Variants in LRMDA observed in about 807,000 individuals in gnomAD.
The protein encoded by LRMDA is leucine rich melanocyte differentiation associated, also known as leucine-rich melanocyte differentiation-associated protein.
LRMDA carries 18 observed loss-of-function variants against 29.8 expected under a neutral mutation model. The observed-to-expected ratio is 0.60, with a 90% CI of 0.42 to 0.90. LRMDA has a LOEUF of 0.90. Ranked by LOEUF, LRMDA falls within the 40% of genes least tolerant of loss-of-function variation. The pLI is 0.00. For synonymous variants in LRMDA, 125 were observed against 109.4 expected (o/e 1.14, Z -0.89); for missense variants, 273 against 273.9 (o/e 1.00, Z 0.02).
At chr10:76,437,407 C>G (rs951189853) in intron 6 of LRMDA, 1 of 152,234 alleles carries the variant, frequency 6.6e-6, no homozygotes, top group Non-Finnish European at 1.5e-5. Flanking sequence ...AAGAGCACAG[C>G]TTCTTCCAAC....
chr10:75,593,482 A>G (rs1840747609), intron 2 of LRMDA, among the ~76,000 whole-genome samples: 1 of 152,234 alleles, frequency 6.6e-6, no homozygotes, highest in Admixed American at 6.5e-5. Flanking sequence ...TTATTCAGCA[A>G]TGCAATAACA....
At position 76,428,028 on chromosome 10, in the gene LRMDA, G is replaced by A. The variant is rs371410968; in HGVS notation, c.601+103543G>A. On this transcript the variant is annotated intron_variant, in intron 6 of 6. Transcript: ENST00000611255. Reference sequence around the variant, plus strand: ...TGCCAGTATTTTATTGAGGATTTTTGCATCAATGTTCATCAGGGATATTGG... The same window carrying A: ...TGCCAGTATTTTATTGAGGATTTTTACATCAATGTTCATCAGGGATATTGG... Among the ~76,000 whole-genome samples the A allele has an allele frequency of 6.6e-5, 10 of 152,164 alleles. No homozygotes were observed. In the East Asian group the frequency reaches 1.2e-3, roughly 18 times the overall value.
intron 5 of LRMDA, among the ~76,000 whole-genome samples, chr10:76,231,681 A>G (rs998959451): frequency 6.6e-6 from 1 of 152,216 alleles, no homozygotes; most frequent in African/African-American, 2.4e-5. Context: ...AAAGTAATAA[A>G]AACCATCTTT....
chr10:75,768,704 G>A (rs1321456361), intron 2 of LRMDA, among the ~76,000 whole-genome samples: 1 of 152,076 alleles, frequency 6.6e-6, no homozygotes, highest in Non-Finnish European at 1.5e-5. Flanking sequence ...TTACATCATG[G>A]CAGAGTACTT....
At chr10:76,297,101 C>T (rs1010952017) in intron 5 of LRMDA, among the ~76,000 whole-genome samples, 27 of 152,172 alleles carry the variant, frequency 1.8e-4, no homozygotes, top group Admixed American at 7.9e-4. Context: ...TTAAATGATC[C>T]GCAGATACCT....
At chr10:75,793,036 G>A (rs1843595477) in intron 2 of LRMDA, among the ~76,000 whole-genome samples, 1 of 152,178 alleles carries the variant, frequency 6.6e-6, no homozygotes. Flanking sequence ...ACTGTCCTGA[G>A]TCTTAAAGGG....
chr10:76,558,739 A>C lies in LRMDA; in HGVS notation c.*1451A>C, dbSNP rs1245518413. 1 of 152,128 alleles carries C rather than the reference A, an allele frequency of 6.6e-6. No individual in the cohort carries two copies. Among genetic ancestry groups the C allele is most frequent in the Non-Finnish European group, 1.5e-5 (1 of 68,030 alleles). The allele number at this position is 152,128 out of a possible 1,614,324, so 9.4% of individuals were successfully genotyped here. On this transcript the variant is annotated 3_prime_UTR_variant, in exon 7 of 7. Coordinates refer to ENST00000611255, the MANE Select transcript of LRMDA (RefSeq NM_001305581.2). Reference sequence around the variant, plus strand: ...AGAATCCCTAAGCTGCCCAAGGAGAACCTACTTTCTCAGCTCTAGCCCGTT... The same window carrying C: ...AGAATCCCTAAGCTGCCCAAGGAGACCCTACTTTCTCAGCTCTAGCCCGTT...
intron 2 of LRMDA, among the ~76,000 whole-genome samples, chr10:75,444,781 A>C (rs1844371097): frequency 6.6e-6 from 1 of 152,222 alleles, no homozygotes; most frequent in Non-Finnish European, 1.5e-5. Flanking sequence ...CTCTGAAGTC[A>C]CTGATAATCT....
chr10:75,835,400 G>A (rs1338528679), intron 2 of LRMDA, among the ~76,000 whole-genome samples: 1 of 152,050 alleles, frequency 6.6e-6, no homozygotes, highest in African/African-American at 2.4e-5. Context: ...GATGACATTG[G>A]GTCCACCCAG....
chr10:75,561,663 C>T (rs1840297061), intron 2 of LRMDA, among the ~76,000 whole-genome samples: 1 of 151,062 alleles, frequency 6.6e-6, no homozygotes, highest in African/African-American at 2.4e-5. Flanking sequence ...CTCTTGTGGG[C>T]ATTTAGTGCT....
chr10:76,207,414 G>A (rs907502181), intron 5 of LRMDA, among the ~76,000 whole-genome samples: 1 of 152,218 alleles, frequency 6.6e-6, no homozygotes, highest in African/African-American at 2.4e-5. Flanking sequence ...TGGGAAGGGG[G>A]CTGGGAGTGT....
chr10:76,240,809 TATATATGTATATATATACACATAC>T (rs1448299980), intron 5 of LRMDA, among the ~76,000 whole-genome samples: 35 of 61,436 alleles, frequency 5.7e-4, no homozygotes, highest in African/African-American at 1.9e-3. Context: ...TAGATACACA[TATATATGTATATATATACACATAC>T]ATATATATGT....
chr10:75,579,228 G>A (rs917093218), intron 2 of LRMDA, among the ~76,000 whole-genome samples: 1 of 152,122 alleles, frequency 6.6e-6, no homozygotes, highest in Admixed American at 6.5e-5. Context: ...AATAGAAAAT[G>A]ATAAAGGGGA....
intron 5 of LRMDA, among the ~76,000 whole-genome samples, chr10:76,300,475 C>G (rs1377287493): frequency 1.3e-5 from 2 of 152,144 alleles, no homozygotes; most frequent in African/African-American, 2.4e-5. Flanking sequence ...CTGGGGAAGG[C>G]CCTTTATTTC....
chr10:75,852,790 T>C lies in LRMDA; in HGVS notation c.132-183218T>C, dbSNP rs889466668. The stretch of plus-strand genomic sequence containing the variant: ...TTCCAGCTGCTAGTTAAGTATATGA[T>C]GAGTGTTCAAAACTAGCTTTAGTAT... On this transcript the variant is annotated intron_variant, in intron 2 of 6. Transcript: ENST00000611255. Among the ~76,000 whole-genome samples the C allele has an allele frequency of 3.3e-5, 5 of 152,128 alleles. No individual in the cohort carries two copies. In the South Asian group the frequency reaches 6.2e-4, roughly 19 times the overall value.
chr10:76,465,101 C>G (rs934607669), intron 6 of LRMDA, among the ~76,000 whole-genome samples: 1 of 152,126 alleles, frequency 6.6e-6, no homozygotes, highest in African/African-American at 2.4e-5. Flanking sequence ...CAGACAAGAA[C>G]TCTTGGTGGC....
chr10:75,795,431 A>G (rs1843636597), intron 2 of LRMDA, among the ~76,000 whole-genome samples: 1 of 152,138 alleles, frequency 6.6e-6, no homozygotes, highest in African/African-American at 2.4e-5. Flanking sequence ...GAAGAAAAAG[A>G]AAAAGAATTG....
intron 2 of LRMDA, among the ~76,000 whole-genome samples, chr10:75,460,996 A>G (rs1281426762): frequency 6.6e-6 from 1 of 152,222 alleles, no homozygotes; most frequent in African/African-American, 2.4e-5. Context: ...ATAACAAAAA[A>G]GGTTTCCCAT....
chr10:76,043,995 A>AT (rs1848385283), intron 3 of LRMDA, among the ~76,000 whole-genome samples: 1 of 147,082 alleles, frequency 6.8e-6, no homozygotes, highest in African/African-American at 2.5e-5. Context: ...CTACGTAAAT[A>AT]ATTAGAATCA....
Sources: gnomAD v4.1 joint callset for allele counts (sites outside exome capture counted in the v4.1 genomes callset) on GRCh38, gnomAD v4.1.1 for gene constraint, MANE v1.5 for transcripts, NCBI Gene and HGNC (gene_info 2026-07-23, HGNC 2026-07-21) for gene names.